The following EIF2D variants were observed in gnomAD, a reference collection of about 807,000 sequenced individuals.
The protein encoded by EIF2D is hepatocellular carcinoma-associated antigen 56.
Under a neutral mutation model 77.4 loss-of-function variants are expected in EIF2D, and 56 were observed. The observed-to-expected ratio is 0.72, with a 90% CI of 0.58 to 0.90. The LOEUF is 0.90. Ranked by LOEUF, EIF2D falls within the 40% of genes least tolerant of loss-of-function variation. The pLI, the probability that EIF2D is intolerant of heterozygous loss-of-function variation, is 0.00. For missense variants in EIF2D, 574 were observed against 706.5 expected, an observed-to-expected ratio of 0.81 and a Z score of 2.13; for synonymous variants, 230 against 271.0, an observed-to-expected ratio of 0.85 and a Z score of 1.49.
chr1:206,611,397 G>A (rs2102310457), intron 1 of EIF2D, 23 bp from the exon 2 acceptor site: 1 of 1,598,070 alleles, frequency 6.3e-7, no homozygotes, highest in Non-Finnish European at 8.6e-7. Flanking sequence ...CACCAGCACT[G>A]TGAATGCTGC....
At chr1:206,595,696 C>T (rs782076508) in intron 13 of EIF2D, 22 bp downstream of exon 13, 1 of 1,611,454 alleles carries the variant, frequency 6.2e-7, no homozygotes, top group Non-Finnish European at 8.5e-7. Context: ...TATCCTTGAA[C>T]ATTGTGTCTT....
rs111674209 is a variant in EIF2D, at chr1:206,591,841, C to G, written c.1689G>C (p.Glu563Asp). 2 of 1,614,130 alleles carry G rather than the reference C, an allele frequency of 1.2e-6. No homozygotes were observed. The highest frequency in any genetic ancestry group is 2.2e-5 in the East Asian group (1 of 44,884). The stretch of plus-strand genomic sequence containing the variant: ...GGATGTGTTTTCGAGGGAGCTGATA[C>G]TCTTCTACAATCCAAAAAGCACACA... ...VHHLGWLLLEEYQLPRKHIQG... is the reference protein window; with the variant it reads ...VHHLGWLLLEDYQLPRKHIQG... Residue 563 changes from glutamate (E) to aspartate (D), a missense_variant, in exon 15 of 15, where the codon GAG becomes GAC. Glu to Asp is a conservative substitution (Grantham distance 45). Coordinates refer to ENST00000271764, the MANE Select transcript of EIF2D (RefSeq NM_006893.3).
intron 3 of EIF2D, among the ~76,000 whole-genome samples, chr1:206,608,887 A>G (rs951566951): frequency 2.0e-5 from 3 of 152,146 alleles, no homozygotes; most frequent in Non-Finnish European, 4.4e-5. Context: ...CCCTGTCTCT[A>G]CTAAAAATAC....
chr1:206,580,315 AGAG>A (rs1403710281), intron 4 of EIF2D, among the ~76,000 whole-genome samples: 1 of 152,220 alleles, frequency 6.6e-6, no homozygotes, highest in Admixed American at 6.5e-5. Context: ...GGAAACTATG[AGAG>A]GAGATCTTTC....
At chr1:206,583,514 C>T (rs113543133) in intron 2 of EIF2D, 30 of 660,622 alleles carry the variant, frequency 4.5e-5, no homozygotes, top group African/African-American at 2.7e-4. Context: ...CAGAGGCCTC[C>T]GGGGTCTGGA....
intron 11 of EIF2D, among the ~76,000 whole-genome samples, chr1:206,598,796 T>C (rs1669775361): frequency 6.6e-6 from 1 of 152,014 alleles, no homozygotes; most frequent in Non-Finnish European, 1.5e-5. Flanking sequence ...ACTTAGTCGG[T>C]AGTCAATGTT....
rs1306630340 is a variant in EIF2D, at chr1:206,609,602, G to A, written c.248-143C>T. On this transcript the variant is annotated intron_variant, in intron 2 of 14. Coordinates refer to ENST00000271764, the MANE Select transcript of EIF2D (RefSeq NM_006893.3). ...GCTAAAGAGAAGGTTGTAAGGGGAT[G>A]CCCAGAGAGGTTTCATTTTTGAGGA... The A allele has an allele frequency of 8.5e-6, 5 of 589,632 alleles. No individual in the cohort carries two copies. In the African/African-American group the frequency reaches 9.4e-5, roughly 11 times the overall value. The allele number at this position is 589,632 out of a possible 1,614,324, so 36.5% of individuals were successfully genotyped here. A position where few individuals can be genotyped will look rare whatever the true frequency, so the allele number is the denominator to read the frequency against.
chr1:206,584,667 T>A lies in EIF2D; in HGVS notation c.139-3505A>T. 2 of 1,614,208 alleles carry A rather than the reference T, an allele frequency of 1.2e-6. No homozygotes were observed. The highest frequency in any genetic ancestry group is 1.7e-6 in the Non-Finnish European group (2 of 1,180,026). ...CAGAAGTTTGCACTTTTTAAGCGGA[T>A]ACACAAGGACGGACAAGGTAGGAGA... On this transcript the variant is annotated intron_variant and NMD_transcript_variant, in intron 2 of 5. Transcript: ENST00000472709. This position sits in a 1 kb window ranked among gnomAD's most constrained non-coding sequence, Gnocchi z 4.9.
chr1:206,571,516 G>A (rs1343008711), intron 5 of EIF2D: 1 of 152,144 alleles, frequency 6.6e-6, no homozygotes, highest in Non-Finnish European at 1.5e-5. Context: ...AGATGGAAAA[G>A]GTACAGTCAC....
chr1:206,599,546 T>C lies in EIF2D; in HGVS notation c.1119A>G (p.Glu373=). 6.2e-7 allele frequency: 1 copy of C among 1,611,552 alleles called. No individual in the cohort carries two copies. Among genetic ancestry groups the C allele is most frequent in the Non-Finnish European group, 8.5e-7 (1 of 1,178,714 alleles). Residue 373 remains glutamate, a synonymous_variant, in exon 10 of 15, where the codon GAA becomes GAG. Coordinates refer to ENST00000271764, the MANE Select transcript of EIF2D (RefSeq NM_006893.3). The surrounding 1 kb of genome is among the most constrained non-coding windows in gnomAD (Gnocchi z 4.1). The part of the protein sequence containing the change: ...TSQTIQEGSR[E]QPYHPPDIKP... ...TTATATCTGGAGGGTGATAGGGCTGTTCCCTGCTACCCTCCTGGATAGTCT... is the reference window on the plus strand; with the variant it reads ...TTATATCTGGAGGGTGATAGGGCTGCTCCCTGCTACCCTCCTGGATAGTCT...
chr1:206,609,305 G>T, intron 3 of EIF2D, 71 bp downstream of exon 3: 1 of 1,439,860 alleles, frequency 6.9e-7, no homozygotes, highest in Non-Finnish European at 9.7e-7. Context: ...AAATGGGTAA[G>T]TTTATTACAT....
intron 13 of EIF2D, 195 bp from the exon 14 acceptor site, chr1:206,593,988 A>G (rs373243620): frequency 4.8e-4 from 225 of 473,454 alleles, no homozygotes; most frequent in Non-Finnish European, 7.1e-4. Context: ...CCCATCCAAT[A>G]TATGTATTAC....
chr1:206,587,187 T>C (rs1006822193), downstream of EIF2D: 2 of 568,508 alleles, frequency 3.5e-6, no homozygotes, highest in African/African-American at 3.7e-5. Context: ...CCACCACAGA[T>C]TCTGCCAAGG....
At chr1:206,570,632 T>C (rs1401754903), downstream of EIF2D, among the ~76,000 whole-genome samples, 2 of 144,972 alleles carry the variant, frequency 1.4e-5, no homozygotes, top group Non-Finnish European at 3.0e-5. Context: ...AGGAACTTCA[T>C]ATAAGTAGAA....
At chr1:206,611,867 A>G (rs1553414088) in intron 1 of EIF2D, among the ~76,000 whole-genome samples, 1 of 152,086 alleles carries the variant, frequency 6.6e-6, no homozygotes, top group Non-Finnish European at 1.5e-5. Flanking sequence ...CTCCCACCTC[A>G]GTTTCCAGCT....
Position 206,599,834 on chromosome 1 carries a change from G to A in EIF2D, c.951C>T (p.Leu317=). 1.2e-6 allele frequency: 2 copies of A among 1,613,940 alleles called. No individual in the cohort carries two copies. Among genetic ancestry groups the A allele is most frequent in the South Asian group, 1.1e-5 (1 of 91,010 alleles). ...LDIKKSSYKK[L]SKFLQQMQQE... is the part of the protein sequence containing the mutation. ...GCTGCATTTGCTGCAGGAACTTAGA[G>A]AGCTAAGGGAGAGAGGGCCAGTGGT... Residue 317 remains leucine, a splice_region_variant and synonymous_variant, in exon 9 of 15, where the codon CTC becomes CTT. Transcript: ENST00000271764. The surrounding 1 kb of genome is among the most constrained non-coding windows in gnomAD (Gnocchi z 4.1).
intron 5 of EIF2D, among the ~76,000 whole-genome samples, chr1:206,603,876 G>C (rs1670053327): frequency 6.6e-6 from 1 of 152,204 alleles, no homozygotes; most frequent in East Asian, 1.9e-4. Flanking sequence ...GTTACGGCAA[G>C]GCTTCTCAGT....
In EIF2D at chr1:206,605,387, ACT is replaced by A. The variant is rs782232735; in HGVS notation, c.530+11_530+12del. 1 of 1,608,920 alleles carries A rather than the reference ACT, an allele frequency of 6.2e-7. No homozygotes were observed. Among genetic ancestry groups the A allele is most frequent in the South Asian group, 1.1e-5 (1 of 90,832 alleles). On this transcript the variant is annotated intron_variant, in intron 5 of 14. Coordinates refer to ENST00000271764, the MANE Select transcript of EIF2D (RefSeq NM_006893.3). ...CCCGGTTCTCTGTAAAACAGAAGAA[ACT>A]CTGTACCCACCACAAGTGGTCCTGG... is the stretch of plus-strand genomic sequence containing the variant.
intron 5 of EIF2D, among the ~76,000 whole-genome samples, chr1:206,571,768 G>A (rs868964775): frequency 4.6e-5 from 7 of 152,232 alleles, no homozygotes; most frequent in African/African-American, 1.7e-4. Flanking sequence ...GAAGGGCTCA[G>A]GGAGACTGAA....
Sources: gnomAD v4.1 joint callset for allele counts (sites outside exome capture counted in the v4.1 genomes callset) on GRCh38, gnomAD v4.1.1 for gene constraint, Gnocchi (gnomAD v3.1) non-coding constraint, MANE v1.5 for transcripts, NCBI Gene and HGNC (gene_info 2026-07-23, HGNC 2026-07-21) for gene names.